The following MEF2A variants were observed in gnomAD, a reference collection of about 807,000 sequenced individuals.
The protein encoded by MEF2A is myocyte enhancer factor 2A, also known as myocyte-specific enhancer factor 2A.
MEF2A carries 28 observed loss-of-function variants against 55.8 expected under a neutral mutation model. The observed-to-expected ratio is 0.50, with a 90% CI of 0.37 to 0.69. The LOEUF is 0.69. Ranked by LOEUF, MEF2A falls within the 30% of genes least tolerant of loss-of-function variation. The probability of loss-of-function intolerance (pLI) is 0.00; values close to 1 mark genes in which losing one functional copy is unlikely to be tolerated. For synonymous variants in MEF2A, 239 were observed against 227.1 expected, an observed-to-expected ratio of 1.05 and a Z score of -0.47; for missense variants, 528 against 626.2, an observed-to-expected ratio of 0.84 and a Z score of 1.67.
chr15:99,598,804 G>GA (rs985574253), intron 2 of MEF2A, among the ~76,000 whole-genome samples: 1 of 151,718 alleles, frequency 6.6e-6, no homozygotes, highest in Admixed American at 6.6e-5. Flanking sequence ...GAAGAAAGAA[G>GA]AAAAAAAATT....
intron 2 of MEF2A, among the ~76,000 whole-genome samples, chr15:99,613,770 G>T (rs1286442451): frequency 6.6e-6 from 1 of 152,160 alleles, no homozygotes; most frequent in Non-Finnish European, 1.5e-5. Flanking sequence ...GACAGCCCAT[G>T]GTAGCATCAG....
intron 7 of MEF2A, among the ~76,000 whole-genome samples, chr15:99,680,875 G>A (rs2053114763): frequency 6.6e-6 from 1 of 152,080 alleles, no homozygotes; most frequent in South Asian, 2.1e-4. Flanking sequence ...TAGTAAATTA[G>A]AATATTTCTT....
At chr15:99,664,073 A>G (rs2153584910) in intron 4 of MEF2A, among the ~76,000 whole-genome samples, 1 of 152,238 alleles carries the variant, frequency 6.6e-6, no homozygotes, top group East Asian at 1.9e-4. Context: ...TCTTTGACCA[A>G]CAACAGTAAT....
At chr15:99,579,206 G>A (rs1965212484) in intron 1 of MEF2A, among the ~76,000 whole-genome samples, 1 of 151,568 alleles carries the variant, frequency 6.6e-6, no homozygotes, top group African/African-American at 2.4e-5. Context: ...TTAGTTTTTA[G>A]ATTTCTGATT....
Position 99,703,365 on chromosome 15 carries a change from G to C in MEF2A, c.862G>C (p.Glu288Gln), listed in dbSNP as rs371903721. The change falls in exon 9 of 12, where the codon GAG becomes CAG. Residue 288 changes from glutamate (E) to glutamine (Q), a missense_variant. By Grantham distance (29) the Glu-to-Gln change is conservative (BLOSUM62 2). Transcript: ENST00000557942. ...SSKGMMPPLS[E>Q]EEELELNTQR... ...CCCTCTTATGTGCTGAGTACAGTCG[G>C]AGGAAGAGGAATTGGAGTTGGTGAG... is the stretch of plus-strand genomic sequence containing the variant. 2 of 1,611,986 alleles carry C rather than the reference G, an allele frequency of 1.2e-6. No individual in the cohort carries two copies. The highest frequency in any genetic ancestry group is 1.3e-5 in the African/African-American group (1 of 74,952).
intron 7 of MEF2A, among the ~76,000 whole-genome samples, chr15:99,677,037 C>G (rs2052246896): frequency 6.6e-6 from 1 of 152,164 alleles, no homozygotes; most frequent in Non-Finnish European, 1.5e-5. Flanking sequence ...AGGAGCATCA[C>G]TTGATCCCAG....
chr15:99,703,883 T>C (rs1024506298), intron 9 of MEF2A, among the ~76,000 whole-genome samples: 6 of 152,208 alleles, frequency 3.9e-5, no homozygotes, highest in Non-Finnish European at 8.8e-5. Context: ...CCCTGTTTAC[T>C]AAAAGGAATG....
chr15:99,595,474 G>A (rs1970844461), intron 1 of MEF2A, among the ~76,000 whole-genome samples: 1 of 152,022 alleles, frequency 6.6e-6, no homozygotes, highest in East Asian at 1.9e-4. Flanking sequence ...TAAGCTCTAT[G>A]AAGTCAGGAA....
chr15:99,601,905 A>G (rs1469433034), intron 2 of MEF2A, among the ~76,000 whole-genome samples: 1 of 151,172 alleles, frequency 6.6e-6, no homozygotes, highest in Non-Finnish European at 1.5e-5. Context: ...TTGTTCTTGA[A>G]GAATTTGCAT....
intron 9 of MEF2A, among the ~76,000 whole-genome samples, chr15:99,704,399 T>C (rs996773218): frequency 1.3e-5 from 2 of 152,210 alleles, no homozygotes; most frequent in Non-Finnish European, 2.9e-5. Context: ...TTTTGAATTA[T>C]ATTATGAATA....
Position 99,713,104 on chromosome 15 carries a change from T to C in MEF2A, c.*333T>C. On this transcript the variant is annotated 3_prime_UTR_variant, in exon 12 of 12. Transcript: ENST00000557942. ...TTGCAGAGAAACGTGTACCCATATA[T>C]AATTCTCCCACACTAGCTTGCAGAA... 1 of 445,896 alleles carries C rather than the reference T, an allele frequency of 2.2e-6. No homozygotes were observed. The highest frequency in any genetic ancestry group is 2.0e-5 in the African/African-American group (1 of 50,476). 27.6% of individuals were successfully genotyped at this position (445,896 alleles called of 1,614,324 possible). A position where few individuals can be genotyped will look rare whatever the true frequency, so the allele number is the denominator to read the frequency against.
At chr15:99,590,053 A>G (rs527331301) in intron 1 of MEF2A, among the ~76,000 whole-genome samples, 16 of 152,146 alleles carry the variant, frequency 1.1e-4, no homozygotes, top group Admixed American at 9.2e-4. Flanking sequence ...CTGATTTTCC[A>G]TCTACTCATT....
intron 4 of MEF2A, among the ~76,000 whole-genome samples, chr15:99,646,734 A>C (rs2046020131): frequency 6.6e-6 from 1 of 152,082 alleles, no homozygotes; most frequent in African/African-American, 2.4e-5. Context: ...TGCCTCCTCA[A>C]GTTGTTATTG....
intron 7 of MEF2A, among the ~76,000 whole-genome samples, chr15:99,687,690 A>G (rs1473104538): frequency 6.6e-6 from 1 of 152,222 alleles, no homozygotes; most frequent in Non-Finnish European, 1.5e-5. Flanking sequence ...ATTTGTTATC[A>G]GTGCTTTCTA....
chr15:99,593,322 CTT>C (rs1439535646), intron 1 of MEF2A, among the ~76,000 whole-genome samples: 1 of 152,188 alleles, frequency 6.6e-6, no homozygotes, highest in African/African-American at 2.4e-5. Flanking sequence ...TGTAGAGACA[CTT>C]TCCCTTTTTC....
rs325382 is a variant in MEF2A, at chr15:99,714,899, G to C, written c.*2128G>C. On this transcript the variant is annotated 3_prime_UTR_variant, in exon 12 of 12. Transcript: ENST00000557942. ...AGCCAGATTTCCTGACTGACACATA[G>C]GTATGATCAGTGCAGGAGAGACCTG... is the stretch of plus-strand genomic sequence containing the variant. 0.27 allele frequency: 38,349 copies of C among 143,482 alleles called. 5,451 individuals carry two copies. The highest frequency in any genetic ancestry group is 0.38 in the African/African-American group (14,724 of 38,478). 8.9% of individuals were successfully genotyped at this position (143,482 alleles called of 1,614,324 possible).
intron 8 of MEF2A, among the ~76,000 whole-genome samples, chr15:99,697,313 A>T (rs1324089886): frequency 1.3e-5 from 2 of 152,124 alleles, no homozygotes; most frequent in Admixed American, 6.5e-5. Context: ...TATTCATAGG[A>T]GATAGATTCT....
At chr15:99,666,091 A>G (rs1035541628) in intron 4 of MEF2A, among the ~76,000 whole-genome samples, 57 of 152,168 alleles carry the variant, frequency 3.7e-4, no homozygotes, top group Non-Finnish European at 8.1e-4. Flanking sequence ...TACTGAATAT[A>G]TACCCAAAGG....
At chr15:99,659,870 AT>A (rs1252816106) in intron 4 of MEF2A, among the ~76,000 whole-genome samples, 2 of 152,224 alleles carry the variant, frequency 1.3e-5, no homozygotes, top group African/African-American at 4.8e-5. Context: ...GAAAAATATA[AT>A]TTAACAAATG....
Sources: gnomAD v4.1 joint callset for allele counts (sites outside exome capture counted in the v4.1 genomes callset) on GRCh38, gnomAD v4.1.1 for gene constraint, MANE v1.5 for transcripts, NCBI Gene and HGNC (gene_info 2026-07-23, HGNC 2026-07-21) for gene names.